CFAP53: variants seen among roughly 807,000 people sequenced by gnomAD.
CFAP53 encodes the protein cilia and flagella associated protein 53.
In CFAP53, 62 loss-of-function variants were observed where a neutral mutation model predicts 59.7. That is an observed-to-expected ratio of 1.04 (90% confidence interval 0.85 to 1.28). The LOEUF (loss-of-function observed/expected upper bound fraction) is 1.28. CFAP53 is among the 50% of genes most tolerant of loss of function. The probability of loss-of-function intolerance (pLI) is 0.00; values close to 1 mark genes in which losing one functional copy is unlikely to be tolerated. For missense variants in CFAP53, 629 were observed against 615.6 expected, an observed-to-expected ratio of 1.02 and a Z score of -0.23; for synonymous variants, 218 against 205.7, an observed-to-expected ratio of 1.06 and a Z score of -0.51.
chr18:50,232,797 G>T (rs1256078004), intron 7 of CFAP53, among the ~76,000 whole-genome samples: 1 of 152,210 alleles, frequency 6.6e-6, no homozygotes, highest in East Asian at 1.9e-4. Flanking sequence ...AGTGGCAGGG[G>T]TACTGACCTT....
intron 5 of CFAP53, among the ~76,000 whole-genome samples, chr18:50,245,251 G>A (rs1331763045): frequency 6.7e-6 from 1 of 149,284 alleles, no homozygotes; most frequent in African/African-American, 2.5e-5. Context: ...GCGCGGTGGT[G>A]GGCGCCTGTA....
At position 50,227,219 on chromosome 18, in the gene CFAP53, A is replaced by C. The variant is rs1262843025; in HGVS notation, c.*162T>G. On this transcript the variant is annotated 3_prime_UTR_variant, in exon 8 of 8. Transcript: ENST00000398545. Reference sequence around the variant, plus strand: ...TTGGATTTGTAAGTCTGTGAACTCCAAAATAGGCACAGGTTTATTCAAAGG... The same window carrying C: ...TTGGATTTGTAAGTCTGTGAACTCCCAAATAGGCACAGGTTTATTCAAAGG... 2 of 604,110 alleles carry C rather than the reference A, an allele frequency of 3.3e-6. No homozygotes were observed. Among genetic ancestry groups the C allele is most frequent in the Non-Finnish European group, 5.7e-6 (2 of 348,972 alleles). The allele number at this position is 604,110 out of a possible 1,614,324, so 37.4% of individuals were successfully genotyped here. A position where few individuals can be genotyped will look rare whatever the true frequency, so the allele number is the denominator to read the frequency against.
Position 50,227,372 on chromosome 18 carries a change from C to T in CFAP53, c.*9G>A. 1 of 1,602,500 alleles carries T rather than the reference C, an allele frequency of 6.2e-7. No individual in the cohort carries two copies. Among genetic ancestry groups the T allele is most frequent in the Non-Finnish European group, 8.5e-7 (1 of 1,169,934 alleles). Reference sequence around the variant, plus strand: ...AAGACCAAGAAAAGATATATTGATGCTCACGGAACTACGGTGGAAGCTTAC... The same window carrying T: ...AAGACCAAGAAAAGATATATTGATGTTCACGGAACTACGGTGGAAGCTTAC... On this transcript the variant is annotated 3_prime_UTR_variant, in exon 8 of 8. Coordinates refer to ENST00000398545, the MANE Select transcript of CFAP53 (RefSeq NM_145020.5).
At chr18:50,228,651 C>A (rs1223623003) in intron 7 of CFAP53, among the ~76,000 whole-genome samples, 1 of 151,894 alleles carries the variant, frequency 6.6e-6, no homozygotes, top group African/African-American at 2.4e-5. Context: ...TTTAGCTGGG[C>A]ATGGTGGTAC....
chr18:50,230,634 A>T (rs2033573849), intron 7 of CFAP53, among the ~76,000 whole-genome samples: 1 of 152,138 alleles, frequency 6.6e-6, no homozygotes, highest in Non-Finnish European at 1.5e-5. Flanking sequence ...GGTTGATCAG[A>T]AGGTGGTCTG....
At chr18:50,234,933 A>G (rs1420223205) in intron 7 of CFAP53, among the ~76,000 whole-genome samples, 1 of 152,240 alleles carries the variant, frequency 6.6e-6, no homozygotes, top group East Asian at 1.9e-4. Flanking sequence ...TAATATCACC[A>G]TCTTAGTCCA....
chr18:50,238,813 T>A, intron 6 of CFAP53, 108 bp from the exon 7 acceptor site: 1 of 744,020 alleles, frequency 1.3e-6, no homozygotes. Context: ...GAGCTTAGAA[T>A]CAAGGCTGGA....
Position 50,251,493 on chromosome 18 carries a change from C to T in CFAP53, c.765G>A (p.Glu255=). ...RQATQLLKEE[E]ARLVESNNAQ... ...TTTAAAGGCCCACCACAAGGCGTGCCTCCTCTTCCTTCAGCAGCTGTGTCG... is the reference window on the plus strand; with the variant it reads ...TTTAAAGGCCCACCACAAGGCGTGCTTCCTCTTCCTTCAGCAGCTGTGTCG... Residue 255 remains glutamate (E), a synonymous_variant, in exon 4 of 8, where the codon GAG becomes GAA. Transcript: ENST00000398545. 1.2e-6 allele frequency: 2 copies of T among 1,613,174 alleles called. No individual in the cohort carries two copies. The highest frequency in any genetic ancestry group is 1.7e-6 in the Non-Finnish European group (2 of 1,179,860).
intron 5 of CFAP53, among the ~76,000 whole-genome samples, chr18:50,245,938 T>C (rs1767696801): frequency 6.6e-6 from 1 of 152,164 alleles, no homozygotes; most frequent in South Asian, 2.1e-4. Flanking sequence ...TTGCTCGGGC[T>C]GGAGTGCAAT....
rs1339912324 is a variant in CFAP53, at chr18:50,249,134, C to T, written c.996+1624G>A. On this transcript the variant is annotated intron_variant, in intron 5 of 7. Coordinates refer to ENST00000398545, the MANE Select transcript of CFAP53 (RefSeq NM_145020.5). ...AGGAAAAGCGCTTGAACCCATGAGGCGGAGGTTGCAGTGAGCCGAGATCAC... is the reference window on the plus strand; with the variant it reads ...AGGAAAAGCGCTTGAACCCATGAGGTGGAGGTTGCAGTGAGCCGAGATCAC... Among the ~76,000 whole-genome samples, 5 of 139,410 alleles carry T rather than the reference C, an allele frequency of 3.6e-5. No individual in the cohort carries two copies. The East Asian group carries it at 8.9e-4, about 25-fold the overall frequency. 91.5% of individuals were successfully genotyped at this position (139,410 alleles called of 152,430 possible).
At chr18:50,239,567 T>C (rs1002058873) in intron 6 of CFAP53, among the ~76,000 whole-genome samples, 1 of 152,336 alleles carries the variant, frequency 6.6e-6, no homozygotes, top group African/African-American at 2.4e-5. Context: ...TGTATGGAGA[T>C]GGTAATCTGG....
intron 4 of CFAP53, 53 bp from the exon 5 acceptor site, chr18:50,251,029 G>T: frequency 1.4e-6 from 2 of 1,442,324 alleles, no homozygotes; most frequent in Non-Finnish European, 9.7e-7. Context: ...GACAAGACAA[G>T]TTAGTGCATT....
At chr18:50,248,424 T>TA (rs1304932279) in intron 5 of CFAP53, among the ~76,000 whole-genome samples, 1 of 152,186 alleles carries the variant, frequency 6.6e-6, no homozygotes, top group African/African-American at 2.4e-5. Flanking sequence ...GCAGTTTCTT[T>TA]AAAAAACTAA....
intron 7 of CFAP53, among the ~76,000 whole-genome samples, chr18:50,230,380 A>G (rs757052325): frequency 6.6e-6 from 1 of 152,156 alleles, no homozygotes; most frequent in Non-Finnish European, 1.5e-5. Flanking sequence ...TGAAGCTCTA[A>G]AAACTCTTGA....
intron 5 of CFAP53, 130 bp from the exon 6 acceptor site, chr18:50,243,246 G>A: frequency 4.5e-6 from 3 of 666,318 alleles, no homozygotes; most frequent in East Asian, 2.7e-5. Flanking sequence ...ATTTACAGAT[G>A]TATGTCTGGA....
chr18:50,241,244 TGAATGTAAGTATTAAAAAGGGGAAA>T (rs1432771396), intron 6 of CFAP53, among the ~76,000 whole-genome samples: 1 of 152,160 alleles, frequency 6.6e-6, no homozygotes, highest in Non-Finnish European at 1.5e-5. Flanking sequence ...CAATGTGGAT[TGAATGTAAGTATTAAAAAGGGGAAA>T]GATTCTCCAA....
intron 6 of CFAP53, among the ~76,000 whole-genome samples, chr18:50,240,769 T>A (rs1442947655): frequency 2.6e-5 from 4 of 152,250 alleles, no homozygotes; most frequent in Non-Finnish European, 5.9e-5. Context: ...GCTATTGTAA[T>A]TCCTGGAGTG....
intron 2 of CFAP53, among the ~76,000 whole-genome samples, chr18:50,261,741 T>A (rs1258983588): frequency 6.6e-6 from 1 of 152,152 alleles, no homozygotes; most frequent in African/African-American, 2.4e-5. Flanking sequence ...ACGAAATATA[T>A]ATTTTTAACA....
intron 5 of CFAP53, among the ~76,000 whole-genome samples, chr18:50,248,129 T>TAAAAAAAAAA (rs60474914): frequency 7.4e-6 from 1 of 134,996 alleles, no homozygotes. Flanking sequence ...CAACAAAAAT[T>TAAAAAAAAAA]AAAAAAAAAA....
Sources: gnomAD v4.1 joint callset for allele counts (sites outside exome capture counted in the v4.1 genomes callset) on GRCh38, gnomAD v4.1.1 for gene constraint, MANE v1.5 for transcripts, NCBI Gene and HGNC (gene_info 2026-07-23, HGNC 2026-07-21) for gene names.